Variants in SYNE1 observed in about 807,000 individuals in gnomAD.
The protein encoded by SYNE1 is nesprin-1.
SYNE1 carries 616 observed loss-of-function variants against 1,111.0 expected under a neutral mutation model. That is an observed-to-expected ratio of 0.55 (90% CI 0.52 to 0.59). The LOEUF is 0.59. Among genes scored for constraint, SYNE1 ranks in the 20% least tolerant of loss-of-function variants. The pLI is 0.00. For synonymous variants in SYNE1, 3,855 were observed against 3,825.8 expected (o/e 1.01, Z -0.28); for missense variants, 10,006 against 10,417.0 (o/e 0.96, Z 1.72).
intron 46 of SYNE1, chr6:152,402,587 A>ATC (rs1213475344): frequency 6.6e-6 from 1 of 152,202 alleles, no homozygotes; most frequent in Non-Finnish European, 1.5e-5. Context: ...GGGGATAGAG[A>ATC]TCAGACTCCC....
intron 14 of SYNE1, 39 bp downstream of exon 14, chr6:152,483,046 G>T (rs763663813): frequency 6.2e-7 from 1 of 1,612,874 alleles, no homozygotes; most frequent in Non-Finnish European, 8.5e-7. Flanking sequence ...ACCACAGTAG[G>T]GCTGTTATGC....
Position 152,442,354 on chromosome 6 carries a change from T to C in SYNE1, c.3838-109A>G, listed in dbSNP as rs539463136. The C allele has an allele frequency of 1.7e-4, 223 of 1,309,360 alleles. 6 individuals carry two copies. The South Asian group carries it at 2.6e-3, about 15-fold the overall frequency. 81.1% of individuals were successfully genotyped at this position (1,309,360 alleles called of 1,614,324 possible). A position where few individuals can be genotyped will look rare whatever the true frequency, so the allele number is the denominator to read the frequency against. On this transcript the variant is annotated intron_variant, in intron 30 of 145. Transcript: ENST00000367255. ...AGTACAGAAAGGTGGGCCCGAAATG[T>C]ATTTTAAAGCTAAGATTAACAGTTG...
intron 72 of SYNE1, among the ~76,000 whole-genome samples, chr6:152,348,847 GCCCTTC>G (rs1481790118): frequency 5.3e-5 from 8 of 151,690 alleles, no homozygotes; most frequent in African/African-American, 1.9e-4. Flanking sequence ...AACCTGGGTG[GCCCTTC>G]AGCAGTCCAG....
chr6:152,222,200 G>T (rs2080346320), intron 117 of SYNE1, among the ~76,000 whole-genome samples: 1 of 152,222 alleles, frequency 6.6e-6, no homozygotes, highest in Non-Finnish European at 1.5e-5. Flanking sequence ...TCTCTCCTTT[G>T]TTCAGTGTGC....
intron 3 of SYNE1, among the ~76,000 whole-genome samples, chr6:152,551,101 A>G (rs1463040344): frequency 2.6e-5 from 4 of 152,142 alleles, no homozygotes; most frequent in African/African-American, 7.2e-5. Flanking sequence ...TCCTTCCTCT[A>G]TTTGTGGATA....
chr6:152,481,720 T>C (rs192059194), intron 14 of SYNE1, among the ~76,000 whole-genome samples: 3 of 151,820 alleles, frequency 2.0e-5, no homozygotes, highest in East Asian at 1.9e-4. Flanking sequence ...TTTAATATAC[T>C]GGGGTGATTC....
intron 6 of SYNE1, among the ~76,000 whole-genome samples, chr6:152,518,658 G>A (rs1453805433): frequency 1.3e-5 from 2 of 151,916 alleles, no homozygotes; most frequent in African/African-American, 2.4e-5. Context: ...AACACACTAG[G>A]GTTGAAAAAA....
rs758170943 is a variant in SYNE1, at chr6:152,361,107, AG to A, written c.10299+1062del. On this transcript the variant is annotated intron_variant, in intron 64 of 145. Coordinates refer to ENST00000367255, the MANE Select transcript of SYNE1 (RefSeq NM_182961.4). ...TCAGAAAGATAAGTAGGAGGTTGCC[AG>A]GGGCAGAGACAGAGCAAGGACCTTC... Among the ~76,000 whole-genome samples the A allele has an allele frequency of 3.3e-5, 5 of 152,370 alleles. No homozygotes were observed. In the East Asian group the frequency reaches 7.7e-4, roughly 23 times the overall value.
chr6:152,243,160 G>A (rs2086201159), intron 106 of SYNE1, among the ~76,000 whole-genome samples: 1 of 152,112 alleles, frequency 6.6e-6, no homozygotes, highest in African/African-American at 2.4e-5. Flanking sequence ...CTGTCCATGT[G>A]GCTGAGGGAC....
intron 41 of SYNE1, 83 bp from the exon 42 acceptor site, chr6:152,413,614 C>T (rs2098106004): frequency 7.3e-7 from 1 of 1,377,070 alleles, no homozygotes; most frequent in African/African-American, 1.4e-5. Context: ...ATGATGAGTC[C>T]ATAAAGCACT....
chr6:152,381,102 C>T lies in SYNE1; in HGVS notation c.8913G>A (p.Gln2971=). ...CCCAGGTTTTCAGAAGGGCACTGAA[C>T]TGTTCCAGGGCCTGCTCCAGTTGAG... The part of the protein sequence containing the change: ...QVAQLEQALE[Q]FSALLKTWAQ... The change falls in exon 56 of 146, where the codon CAG becomes CAA. Residue 2971 remains glutamine (Q), a synonymous_variant. Coordinates refer to ENST00000367255, the MANE Select transcript of SYNE1 (RefSeq NM_182961.4). 1 of 1,614,196 alleles carries T rather than the reference C, an allele frequency of 6.2e-7. No individual in the cohort carries two copies. The highest frequency in any genetic ancestry group is 8.5e-7 in the Non-Finnish European group (1 of 1,180,028).
At chr6:152,355,025 G>A (rs1444290387) in intron 66 of SYNE1, 49 bp from the exon 67 acceptor site, 1 of 1,598,508 alleles carries the variant, frequency 6.3e-7, no homozygotes, top group Non-Finnish European at 8.5e-7. Flanking sequence ...TTTCACACTT[G>A]CATGGGTTAG....
At chr6:152,276,576 G>C (rs2093639209) in intron 98 of SYNE1, among the ~76,000 whole-genome samples, 1 of 147,568 alleles carries the variant, frequency 6.8e-6, no homozygotes, top group Non-Finnish European at 1.5e-5. Flanking sequence ...AGCAATCACA[G>C]TGAACTTCCA....
At chr6:152,129,198 A>G (rs1387436471) in intron 145 of SYNE1, 1 of 152,252 alleles carries the variant, frequency 6.6e-6, no homozygotes, top group African/African-American at 2.4e-5. Context: ...TGGCTGTCTG[A>G]AACAATGCGG....
intron 4 of SYNE1, among the ~76,000 whole-genome samples, chr6:152,530,719 T>C (rs893777470): frequency 2.0e-5 from 3 of 151,962 alleles, no homozygotes; most frequent in African/African-American, 7.3e-5. Context: ...CCTCCCGGGT[T>C]CATGCCATTG....
intron 47 of SYNE1, 43 bp from the exon 48 acceptor site, chr6:152,399,866 G>T: frequency 6.3e-7 from 1 of 1,583,926 alleles, no homozygotes; most frequent in East Asian, 2.2e-5. Flanking sequence ...CATAACTTGA[G>T]AGAAATACTC....
chr6:152,482,318 T>TG (rs1469398909), intron 14 of SYNE1, among the ~76,000 whole-genome samples: 1 of 152,196 alleles, frequency 6.6e-6, no homozygotes, highest in Non-Finnish European at 1.5e-5. Context: ...TGTATTTCCT[T>TG]GGGGTAATTT....
chr6:152,167,144 G>C (rs1182239095), intron 130 of SYNE1, among the ~76,000 whole-genome samples: 1 of 152,208 alleles, frequency 6.6e-6, no homozygotes, highest in African/African-American at 2.4e-5. Context: ...TCACAGTCCA[G>C]TGTGTATCAC....
chr6:152,379,874 T>C (rs992017892), intron 56 of SYNE1, among the ~76,000 whole-genome samples: 2 of 152,194 alleles, frequency 1.3e-5, no homozygotes, highest in Non-Finnish European at 2.9e-5. Context: ...GCCAAATCTT[T>C]CCTTTTTAAA....
Sources: gnomAD v4.1 joint callset for allele counts (sites outside exome capture counted in the v4.1 genomes callset) on GRCh38, gnomAD v4.1.1 for gene constraint, MANE v1.5 for transcripts, NCBI Gene and HGNC (gene_info 2026-07-23, HGNC 2026-07-21) for gene names.